The following KCNH8 variants were observed in gnomAD, a reference collection of about 807,000 sequenced individuals.
The protein encoded by KCNH8 is voltage-gated delayed rectifier potassium channel KCNH8.
A neutral mutation model predicts 103.6 loss-of-function variants in KCNH8; 70 were observed. The ratio of observed to expected loss-of-function variants is 0.68; its 90% CI spans 0.56 to 0.82. KCNH8 has a LOEUF of 0.82. Ranked by LOEUF, KCNH8 falls within the 40% of genes least tolerant of loss-of-function variation. The probability of loss-of-function intolerance (pLI) is 0.00; values close to 1 mark genes in which losing one functional copy is unlikely to be tolerated. For missense variants in KCNH8, 1,217 were observed against 1,329.9 expected, an observed-to-expected ratio of 0.92 and a Z score of 1.32; for synonymous variants, 498 against 489.4, an observed-to-expected ratio of 1.02 and a Z score of -0.23.
chr3:19,505,230 C>A (rs1575154336), intron 11 of KCNH8, among the ~76,000 whole-genome samples: 1 of 151,928 alleles, frequency 6.6e-6, no homozygotes, highest in Non-Finnish European at 1.5e-5. Flanking sequence ...CACATTTTCT[C>A]ACTTATAAGT....
rs1034457307 is a variant in KCNH8 at position 19,362,850 on chromosome 3, G to A, written c.811+14885G>A. Among the ~76,000 whole-genome samples the A allele has an allele frequency of 1.8e-4, 27 of 151,966 alleles. 1 individual carries two copies. The highest frequency in any genetic ancestry group is 6.5e-4 in the African/African-American group (27 of 41,380). On this transcript the variant is annotated intron_variant, in intron 5 of 15. Coordinates refer to ENST00000328405, the MANE Select transcript of KCNH8 (RefSeq NM_144633.3). ...ATTTTGTTGTTTTTTTGTAGATGGG[G>A]TTTCCCCATTTTGCCTAGGCTAGTT...
intron 3 of KCNH8, among the ~76,000 whole-genome samples, chr3:19,314,500 G>A (rs1348081888): frequency 6.6e-6 from 1 of 151,940 alleles, no homozygotes; most frequent in Non-Finnish European, 1.5e-5. Flanking sequence ...AGCCCAGAAC[G>A]TTGATGCTAC....
intron 1 of KCNH8, among the ~76,000 whole-genome samples, chr3:19,201,782 G>A (rs1456672141): frequency 6.6e-6 from 1 of 152,076 alleles, no homozygotes; most frequent in Non-Finnish European, 1.5e-5. Context: ...TCACTCACAT[G>A]AAGACATGAG....
At chr3:19,301,438 T>C (rs1299479455) in intron 3 of KCNH8, among the ~76,000 whole-genome samples, 1 of 150,808 alleles carries the variant, frequency 6.6e-6, no homozygotes. Flanking sequence ...AAATTAGAAA[T>C]ATAAAGAAAA....
At chr3:19,424,962 C>T (rs971608882) in intron 7 of KCNH8, among the ~76,000 whole-genome samples, 5 of 152,074 alleles carry the variant, frequency 3.3e-5, no homozygotes, top group African/African-American at 4.8e-5. Context: ...CCCATCCCCA[C>T]GTCATTTGTG....
intron 3 of KCNH8, among the ~76,000 whole-genome samples, chr3:19,287,974 C>T (rs947317295): frequency 2.6e-5 from 4 of 152,076 alleles, no homozygotes; most frequent in Non-Finnish European, 5.9e-5. Flanking sequence ...TCAGCTCACA[C>T]TCTTCTTTCT....
intron 1 of KCNH8, among the ~76,000 whole-genome samples, chr3:19,239,155 C>CT (rs139556920): frequency 0.039 from 5,888 of 151,386 alleles, 405 homozygotes; most frequent in African/African-American, 0.13. Flanking sequence ...ACAAATAGGA[C>CT]TTTTTTTTTC....
intron 14 of KCNH8, 143 bp from the exon 15 acceptor site, chr3:19,517,855 T>A: frequency 1.6e-6 from 1 of 615,666 alleles, no homozygotes; most frequent in Non-Finnish European, 2.9e-6. Flanking sequence ...GCTTGCCTGA[T>A]CCCTAAAAGA....
intron 1 of KCNH8, among the ~76,000 whole-genome samples, chr3:19,213,234 A>G (rs2063787444): frequency 6.6e-6 from 1 of 152,208 alleles, no homozygotes; most frequent in African/African-American, 2.4e-5. Context: ...TATGAAACCT[A>G]AGACAACATT....
At chr3:19,340,506 G>A (rs2065646723) in intron 3 of KCNH8, among the ~76,000 whole-genome samples, 1 of 151,932 alleles carries the variant, frequency 6.6e-6, no homozygotes, top group South Asian at 2.1e-4. Flanking sequence ...GGATGAAATT[G>A]TATGCTGACC....
intron 1 of KCNH8, among the ~76,000 whole-genome samples, chr3:19,184,385 A>G (rs778871938): frequency 3.9e-5 from 6 of 152,002 alleles, no homozygotes; most frequent in Non-Finnish European, 7.4e-5. Flanking sequence ...AAAAAGAAGC[A>G]TAGTAATAAT....
chr3:19,222,834 T>A (rs2063890616), intron 1 of KCNH8, among the ~76,000 whole-genome samples: 1 of 152,206 alleles, frequency 6.6e-6, no homozygotes, highest in Non-Finnish European at 1.5e-5. Flanking sequence ...AGAAAGCCTC[T>A]ACATTTTACT....
intron 1 of KCNH8, among the ~76,000 whole-genome samples, chr3:19,188,102 A>G (rs1209685313): frequency 1.3e-5 from 2 of 152,054 alleles, no homozygotes; most frequent in Non-Finnish European, 2.9e-5. Flanking sequence ...CCTGGAAAAT[A>G]GCCCTACTCA....
At chr3:19,303,468 C>G (rs1448504144) in intron 3 of KCNH8, among the ~76,000 whole-genome samples, 1 of 152,062 alleles carries the variant, frequency 6.6e-6, no homozygotes, top group Non-Finnish European at 1.5e-5. Flanking sequence ...CACTATAGGT[C>G]CCTCCAAAAG....
In KCNH8 at chr3:19,178,996, G is replaced by T. The variant is rs2063426665; in HGVS notation, c.76+30201G>T. 2.0e-5 allele frequency among the ~76,000 whole-genome samples: 3 copies of T among 152,198 alleles called. No homozygotes were observed. The South Asian group carries it at 6.2e-4, about 32-fold the overall frequency. ...AGTATTATGTTACCTGAACCAGAGT[G>T]GGAAATTTGAATTAGGAAGTTGGGG... On this transcript the variant is annotated intron_variant, in intron 1 of 15. Coordinates refer to ENST00000328405, the MANE Select transcript of KCNH8 (RefSeq NM_144633.3).
At chr3:19,529,942 T>C (rs943662533) in intron 15 of KCNH8, among the ~76,000 whole-genome samples, 1 of 152,190 alleles carries the variant, frequency 6.6e-6, no homozygotes, top group Non-Finnish European at 1.5e-5. Context: ...AGGATAGTAA[T>C]TTGTTTTCTG....
chr3:19,417,254 T>C (rs1383461683), intron 7 of KCNH8, among the ~76,000 whole-genome samples: 1 of 150,406 alleles, frequency 6.6e-6, no homozygotes, highest in Non-Finnish European at 1.5e-5. Flanking sequence ...TTCCAGTATT[T>C]ATAGGTATTT....
chr3:19,164,507 A>G (rs541579981), intron 1 of KCNH8, among the ~76,000 whole-genome samples: 1 of 152,316 alleles, frequency 6.6e-6, no homozygotes, highest in Admixed American at 6.5e-5. Context: ...GAAGCCTAGA[A>G]AGGTTTAATA....
chr3:19,387,293 C>G (rs752477789), intron 5 of KCNH8, among the ~76,000 whole-genome samples: 2 of 152,024 alleles, frequency 1.3e-5, no homozygotes, highest in South Asian at 2.1e-4. Context: ...TTGTTATTTC[C>G]TCTAAAATAT....
Sources: allele counts gnomAD v4.1 joint callset (sites outside exome capture counted in the v4.1 genomes callset), GRCh38; gene constraint gnomAD v4.1.1; transcripts MANE v1.5; gene names NCBI Gene and HGNC (gene_info 2026-07-23, HGNC 2026-07-21).